MTAP: variants seen among roughly 807,000 people sequenced by gnomAD.
MTAP encodes S-methyl-5'-thioadenosine phosphorylase.
Under a neutral mutation model 33.6 loss-of-function variants are expected in MTAP, and 33 were observed. That is an observed-to-expected ratio of 0.98 (90% CI 0.74 to 1.31). MTAP has a LOEUF of 1.31. Among genes scored for constraint, MTAP ranks in the 40% most tolerant of loss-of-function variants. MTAP has a pLI of 0.00. For synonymous variants in MTAP, 148 were observed against 125.7 expected (o/e 1.18, Z -1.19); for missense variants, 367 against 360.0 (o/e 1.02, Z -0.16).
chr9:21,811,061 G>T (rs561888740), intron 1 of MTAP, among the ~76,000 whole-genome samples: 1 of 152,246 alleles, frequency 6.6e-6, no homozygotes, highest in African/African-American at 2.4e-5. Flanking sequence ...GGACTGCAGT[G>T]CTCAGATCGG....
Position 21,928,776 on chromosome 9 carries a change from C to T in MTAP, c.148-2232C>T, listed in dbSNP as rs73650002. Among the ~76,000 whole-genome samples, 686 of 152,180 alleles carry T rather than the reference C, an allele frequency of 4.5e-3. 2 individuals carry two copies. The highest frequency in any genetic ancestry group is 0.015 in the African/African-American group (617 of 41,530). ...GGAAATAGCAGTCATGGGTGGACCT[C>T]TTACCTTTAACCCTCCTTCAAATCT... On this transcript the variant is annotated intron_variant, in intron 1 of 1. Coordinates refer to the MTAP transcript ENST00000577563.
In MTAP at chr9:21,859,359, C is replaced by T. The variant is rs1324746132; in HGVS notation, c.747C>T (p.Ser249=). The T allele has an allele frequency of 1.2e-6, 2 of 1,613,542 alleles. No homozygotes were observed. ...AAGAAAACGCTAATAAAGCCAAAAG[C>T]TTACTGCTCACTACCATACCTCAGA... ...TLKENANKAK[S]LLLTTIPQIG... is the part of the protein sequence containing the mutation. The change falls in exon 7 of 8, where the codon AGC becomes AGT. Residue 249 remains serine (S), a synonymous_variant. Coordinates refer to ENST00000644715, the MANE Select transcript of MTAP (RefSeq NM_002451.4).
rs1475046527 is a variant in MTAP, at chr9:21,831,094, C to CT, written c.348-6811dup. ...TTCTAGCCCAGTTCTTGTTAGATAC[C>CT]TTTGCACATTCATTTGTATGTATGG... On this transcript the variant is annotated intron_variant, in intron 4 of 7. Transcript: ENST00000644715. Among the ~76,000 whole-genome samples the CT allele has an allele frequency of 2.6e-5, 4 of 152,132 alleles. No homozygotes were observed. In the East Asian group the frequency reaches 7.7e-4, roughly 29 times the overall value.
At chr9:21,822,998 C>T (rs1160210846) in intron 4 of MTAP, among the ~76,000 whole-genome samples, 1 of 152,152 alleles carries the variant, frequency 6.6e-6, no homozygotes, top group Non-Finnish European at 1.5e-5. Flanking sequence ...TTCCTCCATC[C>T]CTTTATTTTG....
chr9:21,902,100 C>T (rs988288416), intron 1 of MTAP, among the ~76,000 whole-genome samples: 64 of 152,132 alleles, frequency 4.2e-4, no homozygotes, highest in Non-Finnish European at 1.6e-4. Context: ...GAGTAATTCG[C>T]TAAACGATAT....
At chr9:21,932,887 C>G (rs890329433), downstream of MTAP, 1 of 152,270 alleles carries the variant, frequency 6.6e-6, no homozygotes, top group East Asian at 1.9e-4. Context: ...TCTTTCTACC[C>G]TCCTCTGCCT....
Position 21,863,206 on chromosome 9 carries a change from A to T in MTAP, c.*1192A>T. On this transcript the variant is annotated 3_prime_UTR_variant, in exon 8 of 8. Coordinates refer to ENST00000644715, the MANE Select transcript of MTAP (RefSeq NM_002451.4). ...CTGATATTTTAAAAAGTAATGTTTG[A>T]TTCTCCTTTTTATGAGTTAAATTAT... 1.0e-6 allele frequency: 1 copy of T among 967,382 alleles called. No homozygotes were observed. The highest frequency in any genetic ancestry group is 1.2e-6 in the Non-Finnish European group (1 of 813,574). 59.9% of individuals were successfully genotyped at this position (967,382 alleles called of 1,614,324 possible). A position where few individuals can be genotyped will look rare whatever the true frequency, so the allele number is the denominator to read the frequency against.
intron 1 of MTAP, among the ~76,000 whole-genome samples, chr9:21,915,011 C>CTTTT: frequency 2.7e-5 from 2 of 73,866 alleles, no homozygotes; most frequent in African/African-American, 8.9e-5. Context: ...TTCCTTCCTT[C>CTTTT]CTTCCTTCCT....
At chr9:21,807,887 C>A (rs1824247531) in intron 1 of MTAP, among the ~76,000 whole-genome samples, 1 of 151,908 alleles carries the variant, frequency 6.6e-6, no homozygotes, top group Admixed American at 6.5e-5. Context: ...AAAATCTTAC[C>A]CTATAGGTAC....
At chr9:21,803,237 C>T in intron 1 of MTAP, 1 of 313,472 alleles carries the variant, frequency 3.2e-6, no homozygotes, top group Non-Finnish European at 5.8e-6. Context: ...CCTTGCGGGA[C>T]TCCAGCTTCC....
chr9:21,814,132 A>G (rs906763746), intron 1 of MTAP, among the ~76,000 whole-genome samples: 1 of 152,230 alleles, frequency 6.6e-6, no homozygotes, highest in Non-Finnish European at 1.5e-5. Context: ...CATGGGAAAC[A>G]GGCAGAGTTC....
intron 1 of MTAP, 31 bp from the exon 2 acceptor site, chr9:21,815,402 C>T (rs1240749397): frequency 1.4e-6 from 2 of 1,421,542 alleles, no homozygotes; most frequent in East Asian, 2.3e-5. Flanking sequence ...TTACCAAATA[C>T]AATAATCTTC....
downstream of MTAP, among the ~76,000 whole-genome samples, chr9:21,868,078 G>A (rs1825882104): frequency 6.6e-6 from 1 of 152,066 alleles, no homozygotes; most frequent in South Asian, 2.1e-4. Context: ...GAAAGGTTCT[G>A]GAAAGAAACT....
intron 6 of MTAP, among the ~76,000 whole-genome samples, chr9:21,855,814 T>C (rs1367766675): frequency 6.6e-6 from 1 of 152,202 alleles, no homozygotes; most frequent in Non-Finnish European, 1.5e-5. Flanking sequence ...TCTTGTGTGA[T>C]AGGTATGTCC....
chr9:21,925,273 TAA>T (rs1026421837), intron 1 of MTAP, among the ~76,000 whole-genome samples: 1 of 152,170 alleles, frequency 6.6e-6, no homozygotes, highest in Non-Finnish European at 1.5e-5. Flanking sequence ...TGAAACACAC[TAA>T]CCTAGACCCA....
intron 1 of MTAP, among the ~76,000 whole-genome samples, chr9:21,911,550 A>T (rs937654919): frequency 6.6e-6 from 1 of 152,336 alleles, no homozygotes; most frequent in East Asian, 1.9e-4. Context: ...AACGAAATGA[A>T]GGCAGAAATA....
intron 1 of MTAP, among the ~76,000 whole-genome samples, chr9:21,876,095 T>C (rs2118671490): frequency 6.6e-6 from 1 of 152,294 alleles, no homozygotes; most frequent in East Asian, 1.9e-4. Context: ...CTCATTGTGG[T>C]TTTGATTTGC....
chr9:21,817,127 G>T (rs1468353062), intron 3 of MTAP, among the ~76,000 whole-genome samples: 1 of 152,154 alleles, frequency 6.6e-6, no homozygotes, highest in African/African-American at 2.4e-5. Flanking sequence ...GTAGTTATAT[G>T]TCTGTGGGAA....
intron 5 of MTAP, among the ~76,000 whole-genome samples, chr9:21,848,632 A>G (rs549761736): frequency 1.3e-5 from 2 of 152,342 alleles, no homozygotes; most frequent in South Asian, 4.1e-4. Context: ...GGAGTAGATT[A>G]GTCACTTTAG....
Sources: allele counts gnomAD v4.1 joint callset (sites outside exome capture counted in the v4.1 genomes callset), GRCh38; gene constraint gnomAD v4.1.1; transcripts MANE v1.5; gene names NCBI Gene and HGNC (gene_info 2026-07-23, HGNC 2026-07-21).